The following RGPD4 variants were observed in gnomAD, a reference collection of about 807,000 sequenced individuals.
RGPD4 encodes the protein ranBP2-like and GRIP domain-containing protein 4.
A neutral mutation model predicts 141.1 loss-of-function variants in RGPD4; 84 were observed. That is an observed-to-expected ratio of 0.60 (90% CI 0.50 to 0.71). The LOEUF is 0.71. RGPD4 is among the 30% of genes least tolerant of loss of function. The pLI, the probability that RGPD4 is intolerant of heterozygous loss-of-function variation, is 0.00. For missense variants in RGPD4, 918 were observed against 1,622.4 expected (o/e 0.57, Z 7.46); for synonymous variants, 298 against 566.8 (o/e 0.53, Z 6.74).
chr2:107,857,647 C>G (rs1682372444), intron 9 of RGPD4, among the ~76,000 whole-genome samples: 1 of 151,706 alleles, frequency 6.6e-6, no homozygotes, highest in East Asian at 1.9e-4. Context: ...GTTGCCCAGG[C>G]TAGTCTCCAA....
chr2:107,885,052 C>T (rs2104520429), intron 22 of RGPD4, among the ~76,000 whole-genome samples: 1 of 152,272 alleles, frequency 6.6e-6, no homozygotes, highest in East Asian at 1.9e-4. Context: ...GTTCTTCAAA[C>T]TACAGGATAG....
chr2:107,859,397 G>A lies in RGPD4; in HGVS notation c.1477G>A (p.Val493Ile), dbSNP rs1164556961. ...AAAACAGGTATTTCTCCTTGGAGTA[G>A]TATATACCAGCCACTTACAATTAAA... is the stretch of plus-strand genomic sequence containing the variant. ...LDLEVFLLGV[V>I]YTSHLQLKEK... is the part of the protein sequence containing the mutation. Residue 493 changes from valine to isoleucine, a missense_variant, in exon 11 of 23, where the codon GTA (valine) becomes ATA (isoleucine). Transcript: ENST00000408999. The A allele has an allele frequency of 3.7e-6, 6 of 1,609,676 alleles. No individual in the cohort carries two copies. In the South Asian group the frequency reaches 6.6e-5, roughly 18 times the overall value.
At chr2:107,877,641 AT>A (rs1683126477) in intron 20 of RGPD4, among the ~76,000 whole-genome samples, 2 of 151,456 alleles carry the variant, frequency 1.3e-5, no homozygotes, top group South Asian at 4.2e-4. Context: ...TAGTCTTTTA[AT>A]TTTGGCCAGT....
chr2:107,849,065 A>AT (rs960392652), intron 7 of RGPD4, among the ~76,000 whole-genome samples: 11 of 122,676 alleles, frequency 9.0e-5, no homozygotes, highest in East Asian at 4.2e-4. Context: ...TTATTTTTTT[A>AT]TTTTTTTTGA....
intron 1 of RGPD4, among the ~76,000 whole-genome samples, chr2:107,833,312 A>G (rs1681560037): frequency 6.6e-6 from 1 of 152,192 alleles, no homozygotes; most frequent in South Asian, 2.1e-4. Flanking sequence ...GACAATTACA[A>G]TTACATCTCT....
At chr2:107,882,199 T>C (rs1675386261) in intron 21 of RGPD4, among the ~76,000 whole-genome samples, 1 of 151,844 alleles carries the variant, frequency 6.6e-6, no homozygotes, top group South Asian at 2.1e-4. Flanking sequence ...CATCCTCTCC[T>C]CTTGTCAGTG....
intron 22 of RGPD4, among the ~76,000 whole-genome samples, chr2:107,883,498 C>T (rs2104518672): frequency 6.6e-6 from 1 of 150,878 alleles, no homozygotes; most frequent in South Asian, 2.1e-4. Context: ...GACGTGGTGG[C>T]ATGCGCCTGT....
rs527990304 is a variant in RGPD4, at chr2:107,846,216, G to A, written c.783-2125G>A. Among the ~76,000 whole-genome samples, 320 of 150,142 alleles carry A rather than the reference G, an allele frequency of 2.1e-3. 1 individual carries two copies. The highest frequency in any genetic ancestry group is 3.4e-3 in the Middle Eastern group (1 of 294). On this transcript the variant is annotated intron_variant, in intron 6 of 22. Transcript: ENST00000408999. ...GCTGGGATTACAGGCATGAGCCACC[G>A]CGCCCGGCTGGTCTCGATCTCTTGA...
In RGPD4 at chr2:107,846,969, C is replaced by T. The variant is rs1407334201; in HGVS notation, c.783-1372C>T. On this transcript the variant is annotated intron_variant, in intron 6 of 22. Transcript: ENST00000408999. The stretch of plus-strand genomic sequence containing the variant: ...CTAGAAAACTCAGCTCAGCGGGGCG[C>T]GGTGGCTCAGGCCTGTAATCCCAGC... Among the ~76,000 whole-genome samples the T allele has an allele frequency of 9.2e-5, 14 of 151,460 alleles. No homozygotes were observed. In the East Asian group the frequency reaches 1.6e-3, roughly 17 times the overall value.
rs1408110991 is a variant in RGPD4, at chr2:107,834,247, C to T, written c.73-2355C>T. On this transcript the variant is annotated intron_variant, in intron 1 of 22. Transcript: ENST00000408999. ...CCCAGGCATTTTTTTCATTTAGATG[C>T]GATTGTAAATGGAATTGCTTTCTTA... is the stretch of plus-strand genomic sequence containing the variant. Among the ~76,000 whole-genome samples the T allele has an allele frequency of 2.8e-3, 413 of 150,086 alleles. 3 individuals carry two copies. The highest frequency in any genetic ancestry group is 9.2e-3 in the African/African-American group (372 of 40,418).
chr2:107,878,363 A>C (rs1227532466), intron 20 of RGPD4, among the ~76,000 whole-genome samples: 2 of 148,740 alleles, frequency 1.3e-5, no homozygotes. Flanking sequence ...ACTTCTAGAC[A>C]TGCACACTGT....
chr2:107,871,205 A>G lies in RGPD4; in HGVS notation c.3201A>G (p.Leu1067=), dbSNP rs751208459. ...TTCTGTATTCACAGGGGGTAAAACT[A>G]TTTAGATTTGATGCTGAGGTAAGGC... ...EKVLYSQGVK[L]FRFDAEVRQW... Residue 1067 remains leucine, a synonymous_variant, in exon 20 of 23, where the codon CTA becomes CTG. Transcript: ENST00000408999. The G allele has an allele frequency of 2.9e-5, 46 of 1,609,758 alleles. No homozygotes were observed. In the East Asian group the frequency reaches 8.9e-4, roughly 31 times the overall value.
At chr2:107,858,586 G>A (rs1370163089) in intron 9 of RGPD4, among the ~76,000 whole-genome samples, 47 of 152,276 alleles carry the variant, frequency 3.1e-4, no homozygotes, top group Middle Eastern at 3.4e-3. Context: ...CTATAGGCAC[G>A]TGACACCGTG....
At chr2:107,854,400 T>C (rs1682232707) in intron 7 of RGPD4, among the ~76,000 whole-genome samples, 156 bp from the exon 8 acceptor site, 1 of 151,962 alleles carries the variant, frequency 6.6e-6, no homozygotes, top group Non-Finnish European at 1.5e-5. Flanking sequence ...TATAAATTCC[T>C]TGGTTCCCAG....
intron 1 of RGPD4, among the ~76,000 whole-genome samples, chr2:107,831,720 G>C (rs1226052789): frequency 6.8e-6 from 1 of 146,750 alleles, no homozygotes; most frequent in African/African-American, 2.5e-5. Flanking sequence ...ACAGGCACCC[G>C]CCACAACACC....
At chr2:107,879,915 T>C in intron 20 of RGPD4, 53 bp from the exon 21 acceptor site, 1 of 1,600,046 alleles carries the variant, frequency 6.2e-7, no homozygotes, top group Non-Finnish European at 8.5e-7. Flanking sequence ...ATTTAGAATC[T>C]TCATCTGTAA....
chr2:107,881,352 C>T (rs894981877), intron 21 of RGPD4, among the ~76,000 whole-genome samples: 1 of 151,068 alleles, frequency 6.6e-6, no homozygotes, highest in African/African-American at 2.4e-5. Flanking sequence ...TAGTCTCGCT[C>T]TGTCACTAGG....
chr2:107,882,108 C>T (rs1158673066), intron 21 of RGPD4, among the ~76,000 whole-genome samples: 1 of 151,866 alleles, frequency 6.6e-6, no homozygotes, highest in Non-Finnish European at 1.5e-5. Flanking sequence ...GGAGACGTTC[C>T]ATCAGTTCCC....
At position 107,873,574 on chromosome 2, in the gene RGPD4, C is replaced by CAA. The variant is rs3053241; in HGVS notation, c.4924+671_4924+672dup. Among the ~76,000 whole-genome samples the CAA allele has an allele frequency of 2.0e-3, 248 of 125,370 alleles. 3 individuals carry two copies. Among genetic ancestry groups the CAA allele is most frequent in the African/African-American group, 4.6e-3 (154 of 33,256 alleles). The allele number at this position is 125,370 out of a possible 152,430, so 82.2% of individuals were successfully genotyped here. ...GACTGAGTGACTGAGACTTTGTCTCCAAAAAAAAAAAAAAAAAAAAAAAAA... is the reference window on the plus strand; with the variant it reads ...GACTGAGTGACTGAGACTTTGTCTCCAAAAAAAAAAAAAAAAAAAAAAAAAAA... On this transcript the variant is annotated intron_variant, in intron 20 of 22. Coordinates refer to ENST00000408999, the MANE Select transcript of RGPD4 (RefSeq NM_182588.3).
Sources: allele counts gnomAD v4.1 joint callset (sites outside exome capture counted in the v4.1 genomes callset), GRCh38; gene constraint gnomAD v4.1.1; transcripts MANE v1.5; gene names NCBI Gene and HGNC (gene_info 2026-07-23, HGNC 2026-07-21).